GPC6: variants seen among roughly 807,000 people sequenced by gnomAD.
The protein encoded by GPC6 is glypican 6, also known as glypican-6.
In GPC6, 14 loss-of-function variants were observed where a neutral mutation model predicts 55.2. The observed-to-expected ratio is 0.25, with a 90% CI of 0.17 to 0.40. The LOEUF is 0.40. GPC6 is among the 10% of genes least tolerant of loss of function. The probability of loss-of-function intolerance (pLI) is 1.00; values close to 1 mark genes in which losing one functional copy is unlikely to be tolerated. For missense variants in GPC6, 641 were observed against 708.5 expected, an observed-to-expected ratio of 0.90 and a Z score of 1.08; for synonymous variants, 278 against 259.6, an observed-to-expected ratio of 1.07 and a Z score of -0.68.
intron 3 of GPC6, among the ~76,000 whole-genome samples, chr13:94,019,917 T>C (rs1882632482): frequency 6.6e-6 from 1 of 152,188 alleles, no homozygotes; most frequent in Admixed American, 6.5e-5. Context: ...TCTTTGATAG[T>C]CAGCCTAGCT....
At chr13:94,235,358 A>G (rs1890849527) in intron 4 of GPC6, among the ~76,000 whole-genome samples, 1 of 152,098 alleles carries the variant, frequency 6.6e-6, no homozygotes, top group Admixed American at 6.6e-5. Context: ...TTCCACAAGC[A>G]TTCTCCAAAA....
chr13:93,565,405 T>G (rs1197967406), intron 2 of GPC6, among the ~76,000 whole-genome samples: 1 of 152,204 alleles, frequency 6.6e-6, no homozygotes, highest in Non-Finnish European at 1.5e-5. Context: ...AACTTGTTTC[T>G]TGGATAAAGG....
rs558932749 is a variant in GPC6, at chr13:93,607,239, C to T, written c.319+61818C>T. On this transcript the variant is annotated intron_variant, in intron 2 of 8. Transcript: ENST00000377047. ...TGTCTACTTTTATATGACTGTTACCCGCAATATATTTGTTTTTTGTTCTTC... is the reference window on the plus strand; with the variant it reads ...TGTCTACTTTTATATGACTGTTACCTGCAATATATTTGTTTTTTGTTCTTC... 5.3e-5 allele frequency among the ~76,000 whole-genome samples: 8 copies of T among 152,248 alleles called. No homozygotes were observed. The South Asian group carries it at 6.2e-4, about 12-fold the overall frequency.
chr13:93,581,794 A>G (rs192849012), intron 2 of GPC6, among the ~76,000 whole-genome samples: 5 of 152,356 alleles, frequency 3.3e-5, no homozygotes, highest in African/African-American at 1.2e-4. Context: ...CGACAATTGT[A>G]TTCCTAACTT....
At chr13:93,422,071 T>A (rs913019933) in intron 1 of GPC6, among the ~76,000 whole-genome samples, 1 of 152,192 alleles carries the variant, frequency 6.6e-6, no homozygotes, top group Admixed American at 6.6e-5. Flanking sequence ...TTCACCTTGA[T>A]ACACTTCCAC....
At chr13:94,023,039 T>TA (rs1489397822) in intron 3 of GPC6, among the ~76,000 whole-genome samples, 1 of 152,032 alleles carries the variant, frequency 6.6e-6, no homozygotes, top group Non-Finnish European at 1.5e-5. Flanking sequence ...CTACATTATT[T>TA]AAAAAATAAA....
At chr13:94,051,309 C>G (rs1883940696) in intron 4 of GPC6, among the ~76,000 whole-genome samples, 1 of 152,160 alleles carries the variant, frequency 6.6e-6, no homozygotes, top group Non-Finnish European at 1.5e-5. Context: ...TATCCATCAT[C>G]TGCCCTCAAA....
intron 2 of GPC6, among the ~76,000 whole-genome samples, chr13:93,748,512 A>T (rs924529427): frequency 1.7e-4 from 26 of 152,164 alleles, no homozygotes; most frequent in Admixed American, 7.8e-4. Context: ...AGTATACAAC[A>T]TTTCTAATTC....
intron 3 of GPC6, among the ~76,000 whole-genome samples, chr13:93,847,799 A>G (rs1888244224): frequency 6.6e-6 from 1 of 152,080 alleles, no homozygotes; most frequent in South Asian, 2.1e-4. Flanking sequence ...TCCTTTTGTA[A>G]TATAGAGAGT....
intron 2 of GPC6, among the ~76,000 whole-genome samples, chr13:93,752,914 T>C (rs550506569): frequency 5.1e-4 from 77 of 152,320 alleles, no homozygotes; most frequent in Non-Finnish European, 9.4e-4. Flanking sequence ...CAACATTAAC[T>C]TTACATTGTC....
At chr13:93,643,234 C>T (rs1298054237) in intron 2 of GPC6, among the ~76,000 whole-genome samples, 1 of 152,050 alleles carries the variant, frequency 6.6e-6, no homozygotes, top group Non-Finnish European at 1.5e-5. Context: ...TTTGGTGTGA[C>T]AGCATATTCA....
chr13:93,494,500 A>T (rs1422272694), intron 1 of GPC6, among the ~76,000 whole-genome samples: 1 of 152,166 alleles, frequency 6.6e-6, no homozygotes, highest in Non-Finnish European at 1.5e-5. Context: ...GTGTCTTTTA[A>T]TTGGAGAATT....
intron 1 of GPC6, among the ~76,000 whole-genome samples, chr13:93,317,453 G>T (rs1394219685): frequency 6.6e-6 from 1 of 152,066 alleles, no homozygotes; most frequent in African/African-American, 2.4e-5. Flanking sequence ...GGATAACCAG[G>T]CGCCTCTTTG....
intron 2 of GPC6, among the ~76,000 whole-genome samples, chr13:93,789,503 CTCTCTCTATATATA>C (rs1364507653): frequency 1.3e-5 from 1 of 78,560 alleles, no homozygotes; most frequent in South Asian, 4.3e-4. Flanking sequence ...CTCTCTCTCT[CTCTCTCTATATATA>C]TATATATATA....
intron 1 of GPC6, among the ~76,000 whole-genome samples, chr13:93,387,325 T>C (rs1875447512): frequency 6.6e-6 from 1 of 152,028 alleles, no homozygotes. Flanking sequence ...TTCCTCCCCT[T>C]CCCCTCCACC....
chr13:93,852,226 T>G (rs190141862), intron 3 of GPC6, among the ~76,000 whole-genome samples: 2 of 151,784 alleles, frequency 1.3e-5, no homozygotes, highest in Non-Finnish European at 2.9e-5. Flanking sequence ...GGAACACACA[T>G]GGAAGTCATC....
chr13:93,457,257 A>G (rs985007739), intron 1 of GPC6, among the ~76,000 whole-genome samples: 23 of 152,120 alleles, frequency 1.5e-4, no homozygotes, highest in African/African-American at 5.3e-4. Context: ...TCCCCTTTTT[A>G]TAAAGACACT....
chr13:93,935,719 C>G (rs1878405653), intron 3 of GPC6, among the ~76,000 whole-genome samples: 1 of 152,140 alleles, frequency 6.6e-6, no homozygotes, highest in South Asian at 2.1e-4. Flanking sequence ...GTGAAGCAGC[C>G]TGTCTTAAAT....
At chr13:93,222,153 A>C (rs185896841), upstream of GPC6, among the ~76,000 whole-genome samples, 2 of 152,346 alleles carry the variant, frequency 1.3e-5, no homozygotes, top group East Asian at 3.9e-4. Context: ...TTTATTTTGT[A>C]AAACATGAAC....
Sources: allele counts gnomAD v4.1 joint callset (sites outside exome capture counted in the v4.1 genomes callset), GRCh38; gene constraint gnomAD v4.1.1; transcripts MANE v1.5; gene names NCBI Gene and HGNC (gene_info 2026-07-23, HGNC 2026-07-21).